The following EPHA5 variants were observed in gnomAD, a reference collection of about 807,000 sequenced individuals.
The protein encoded by EPHA5 is ephrin type-A receptor 5.
Under a neutral mutation model 105.0 loss-of-function variants are expected in EPHA5, and 60 were observed. The ratio of observed to expected loss-of-function variants is 0.57; its 90% CI spans 0.46 to 0.71. EPHA5 has a LOEUF of 0.71. Ranked by LOEUF, EPHA5 falls within the 30% of genes least tolerant of loss-of-function variation. The pLI, the probability that EPHA5 is intolerant of heterozygous loss-of-function variation, is 0.00. For missense variants in EPHA5, 1,218 were observed against 1,274.7 expected (o/e 0.96, Z 0.68); for synonymous variants, 513 against 449.1 (o/e 1.14, Z -1.80).
chr4:65,463,686 A>G (rs1008622044), intron 5 of EPHA5, among the ~76,000 whole-genome samples: 1 of 152,122 alleles, frequency 6.6e-6, no homozygotes, highest in African/African-American at 2.4e-5. Flanking sequence ...AGATGTCAAA[A>G]AAAATATTGT....
At chr4:65,433,193 T>C (rs1315988984) in intron 5 of EPHA5, among the ~76,000 whole-genome samples, 1 of 152,236 alleles carries the variant, frequency 6.6e-6, no homozygotes, top group African/African-American at 2.4e-5. Flanking sequence ...GACATAGTTC[T>C]GTATATAACT....
chr4:65,462,266 C>T (rs1728198605), intron 5 of EPHA5, among the ~76,000 whole-genome samples: 1 of 151,974 alleles, frequency 6.6e-6, no homozygotes, highest in Admixed American at 6.6e-5. Flanking sequence ...ATTGTCTTTC[C>T]CCTCAGTAAG....
chr4:65,594,354 C>T (rs1037903115), intron 3 of EPHA5, among the ~76,000 whole-genome samples: 1 of 152,076 alleles, frequency 6.6e-6, no homozygotes, highest in Admixed American at 6.5e-5. Context: ...ATCCATATAA[C>T]CATGATGAAA....
At chr4:65,383,244 CACAT>C (rs1226668850) in intron 8 of EPHA5, among the ~76,000 whole-genome samples, 3 of 149,988 alleles carry the variant, frequency 2.0e-5, no homozygotes, top group Non-Finnish European at 3.0e-5. Context: ...CACACACACA[CACAT>C]ATACATTAAT....
At chr4:65,423,690 T>C in intron 5 of EPHA5, among the ~76,000 whole-genome samples, 1 of 151,360 alleles carries the variant, frequency 6.6e-6, no homozygotes, top group South Asian at 2.1e-4. Flanking sequence ...TTCTACATTA[T>C]TTTCTTATCT....
intron 5 of EPHA5, among the ~76,000 whole-genome samples, chr4:65,427,366 T>C (rs1287971649): frequency 6.6e-6 from 1 of 151,962 alleles, no homozygotes; most frequent in Admixed American, 6.6e-5. Context: ...GTATTTTTAG[T>C]AGAGACAGGG....
At position 65,564,005 on chromosome 4, in the gene EPHA5, T is replaced by C. The variant is rs192222285; in HGVS notation, c.910+37636A>G. The stretch of plus-strand genomic sequence containing the variant: ...AAGTATCCTTTATCAAAGGATTTGG[T>C]GCTAAGTGTTGAACAAAATTATCAT... On this transcript the variant is annotated intron_variant, in intron 3 of 16. Transcript: ENST00000613740. Among the ~76,000 whole-genome samples the C allele has an allele frequency of 3.3e-5, 5 of 152,088 alleles. No homozygotes were observed. In the East Asian group the frequency reaches 9.6e-4, roughly 29 times the overall value.
chr4:65,447,036 G>T (rs1726613151), intron 5 of EPHA5, among the ~76,000 whole-genome samples: 3 of 141,550 alleles, frequency 2.1e-5, no homozygotes, highest in Middle Eastern at 8.2e-3. Flanking sequence ...ACTCAGGCTG[G>T]TGTGCAGTAG....
intron 5 of EPHA5, among the ~76,000 whole-genome samples, chr4:65,479,463 C>T (rs996863489): frequency 6.6e-5 from 10 of 152,054 alleles, no homozygotes; most frequent in African/African-American, 2.4e-4. Context: ...AATCACATTT[C>T]TTGGTGAAAA....
At chr4:65,349,267 T>C (rs896329160) in intron 13 of EPHA5, among the ~76,000 whole-genome samples, 2 of 152,130 alleles carry the variant, frequency 1.3e-5, no homozygotes, top group Non-Finnish European at 2.9e-5. Flanking sequence ...CTAAACCAAA[T>C]TAAAAATTAT....
At chr4:65,540,567 A>C (rs4128265) in intron 3 of EPHA5, among the ~76,000 whole-genome samples, 2 of 151,092 alleles carry the variant, frequency 1.3e-5, no homozygotes, top group South Asian at 2.1e-4. Flanking sequence ...AAGCATTTTA[A>C]AAGATTCTCA....
At chr4:65,464,658 AG>A (rs557161771) in intron 5 of EPHA5, among the ~76,000 whole-genome samples, 220 of 152,232 alleles carry the variant, frequency 1.4e-3, no homozygotes, top group African/African-American at 5.1e-3. Context: ...ATGATGACCA[AG>A]GGGGAATGTT....
intron 3 of EPHA5, among the ~76,000 whole-genome samples, chr4:65,533,473 A>T (rs1333392289): frequency 6.6e-6 from 1 of 152,126 alleles, no homozygotes; most frequent in East Asian, 1.9e-4. Flanking sequence ...ATTACAACTC[A>T]GGTTTGTGTC....
chr4:65,495,976 T>A (rs1422212556), intron 3 of EPHA5, among the ~76,000 whole-genome samples: 1 of 152,332 alleles, frequency 6.6e-6, no homozygotes, highest in African/African-American at 2.4e-5. Flanking sequence ...TGTTATTGAA[T>A]AATAAATTAA....
chr4:65,490,550 C>T lies in EPHA5; in HGVS notation c.1229G>A (p.Gly410Asp), dbSNP rs2149213399. 1 of 1,614,068 alleles carries T rather than the reference C, an allele frequency of 6.2e-7. No homozygotes were observed. The highest frequency in any genetic ancestry group is 8.5e-7 in the Non-Finnish European group (1 of 1,180,006). ...SHAGVCEECGGHVRYLPRQSG... is the reference protein window; with the variant it reads ...SHAGVCEECGDHVRYLPRQSG... ...TTGCCGGGGAAGGTACCTGACATGA[C>T]CGCCACACTCCTCACACACACCTGC... Residue 410 changes from glycine to aspartate, a missense_variant, in exon 5 of 17, where the codon GGT becomes GAT. Coordinates refer to ENST00000613740, the MANE Select transcript of EPHA5 (RefSeq NM_001281766.3).
intron 5 of EPHA5, among the ~76,000 whole-genome samples, chr4:65,433,546 A>G (rs1035833118): frequency 1.3e-5 from 2 of 152,204 alleles, no homozygotes; most frequent in Non-Finnish European, 2.9e-5. Flanking sequence ...GTATCCTATC[A>G]TATAAATTTC....
chr4:65,536,715 C>T (rs71612728), intron 3 of EPHA5, among the ~76,000 whole-genome samples: 5,828 of 150,352 alleles, frequency 0.039, 166 homozygotes, highest in Admixed American at 0.075. Flanking sequence ...GACAATTGTA[C>T]TCTTTGAATT....
At chr4:65,612,987 C>A (rs1179616107) in intron 2 of EPHA5, among the ~76,000 whole-genome samples, 1 of 152,038 alleles carries the variant, frequency 6.6e-6, no homozygotes, top group Non-Finnish European at 1.5e-5. Context: ...CATGGTTTTG[C>A]TTAGGATTTT....
chr4:65,580,501 A>C (rs991527401), intron 3 of EPHA5, among the ~76,000 whole-genome samples: 3 of 151,904 alleles, frequency 2.0e-5, no homozygotes, highest in Admixed American at 1.3e-4. Context: ...CCCATTTTGA[A>C]AAACATGATA....
Sources: allele counts gnomAD v4.1 joint callset (sites outside exome capture counted in the v4.1 genomes callset), GRCh38; gene constraint gnomAD v4.1.1; transcripts MANE v1.5; gene names NCBI Gene and HGNC (gene_info 2026-07-23, HGNC 2026-07-21).